The following SYNDIG1 variants were observed in gnomAD, a reference collection of about 807,000 sequenced individuals.
SYNDIG1 encodes the protein synapse differentiation-inducing gene protein 1.
In SYNDIG1, 9 loss-of-function variants were observed where a neutral mutation model predicts 19.4. That is an observed-to-expected ratio of 0.46 (90% CI 0.28 to 0.81). The LOEUF (loss-of-function observed/expected upper bound fraction) is 0.81. SYNDIG1 is among the 30% of genes least tolerant of loss of function. The pLI is 0.12. For synonymous variants in SYNDIG1, 141 were observed against 145.9 expected, an observed-to-expected ratio of 0.97 and a Z score of 0.24; for missense variants, 311 against 343.3, an observed-to-expected ratio of 0.91 and a Z score of 0.74.
At chr20:24,606,143 C>CA (rs1267450633) in intron 3 of SYNDIG1, among the ~76,000 whole-genome samples, 3 of 152,240 alleles carry the variant, frequency 2.0e-5, no homozygotes, top group African/African-American at 4.8e-5. Context: ...GATGATCCAA[C>CA]AATGTGCTGG....
At chr20:24,505,368 A>T (rs2056563227) in intron 1 of SYNDIG1, among the ~76,000 whole-genome samples, 1 of 152,154 alleles carries the variant, frequency 6.6e-6, no homozygotes, top group Non-Finnish European at 1.5e-5. Context: ...AGAGGCGGTC[A>T]TCCTCTGGAC....
chr20:24,478,257 G>A (rs932488472), intron 1 of SYNDIG1, among the ~76,000 whole-genome samples: 5 of 152,244 alleles, frequency 3.3e-5, no homozygotes. Flanking sequence ...TTATTGCTTC[G>A]GTGTCTGTCT....
chr20:24,561,571 C>T (rs917796876), intron 2 of SYNDIG1, among the ~76,000 whole-genome samples: 2 of 152,200 alleles, frequency 1.3e-5, no homozygotes, highest in African/African-American at 4.8e-5. Flanking sequence ...GCAAGAACAC[C>T]ACAGACTCCC....
intron 2 of SYNDIG1, among the ~76,000 whole-genome samples, chr20:24,558,026 T>C (rs2057861473): frequency 6.6e-6 from 1 of 152,112 alleles, no homozygotes. Context: ...GGGGTTTATA[T>C]AGCAGGGAAG....
chr20:24,626,636 C>T (rs76138615), intron 3 of SYNDIG1, among the ~76,000 whole-genome samples: 23,872 of 151,082 alleles, frequency 0.16, 1,748 homozygotes, highest in East Asian at 0.42. Flanking sequence ...AGACGATGGG[C>T]GGCCAGGCAG....
At chr20:24,511,177 T>C (rs1329993123) in intron 1 of SYNDIG1, among the ~76,000 whole-genome samples, 1 of 152,216 alleles carries the variant, frequency 6.6e-6, no homozygotes, top group Non-Finnish European at 1.5e-5. Flanking sequence ...GGCCATTTCT[T>C]GGTAAATTTT....
At chr20:24,479,443 T>C (rs1190171204) in intron 1 of SYNDIG1, among the ~76,000 whole-genome samples, 1 of 152,156 alleles carries the variant, frequency 6.6e-6, no homozygotes, top group Non-Finnish European at 1.5e-5. Context: ...CAAGGCCATC[T>C]CTGGGATGTT....
intron 1 of SYNDIG1, among the ~76,000 whole-genome samples, chr20:24,489,405 A>C (rs2146297342): frequency 6.6e-6 from 1 of 152,210 alleles, no homozygotes; most frequent in East Asian, 1.9e-4. Flanking sequence ...ACACATGTGC[A>C]CACAGACACA....
chr20:24,478,394 TTGG>T (rs1368007096), intron 1 of SYNDIG1, among the ~76,000 whole-genome samples: 1 of 152,202 alleles, frequency 6.6e-6, no homozygotes, highest in Non-Finnish European at 1.5e-5. Context: ...TGTTTGACAC[TTGG>T]TGGAATGAAG....
At chr20:24,612,109 A>G (rs959879527) in intron 3 of SYNDIG1, among the ~76,000 whole-genome samples, 1 of 152,216 alleles carries the variant, frequency 6.6e-6, no homozygotes, top group Non-Finnish European at 1.5e-5. Context: ...TTAGAGGCAA[A>G]CAATTCAACC....
intron 2 of SYNDIG1, among the ~76,000 whole-genome samples, chr20:24,566,458 A>T (rs2146913140): frequency 6.6e-6 from 1 of 152,352 alleles, no homozygotes; most frequent in Middle Eastern, 3.4e-3. Context: ...GAATAAATGA[A>T]ACTATCAAAG....
At chr20:24,578,631 C>T (rs948649903) in intron 2 of SYNDIG1, among the ~76,000 whole-genome samples, 3 of 152,106 alleles carry the variant, frequency 2.0e-5, no homozygotes, top group African/African-American at 4.8e-5. Context: ...TGCGCAAAAG[C>T]CTCAAATGAA....
At chr20:24,492,779 C>T (rs905476082) in intron 1 of SYNDIG1, among the ~76,000 whole-genome samples, 2 of 152,370 alleles carry the variant, frequency 1.3e-5, no homozygotes, top group South Asian at 4.1e-4. Context: ...TCTTCCTTCC[C>T]CTTTGCCTTG....
At chr20:24,557,283 C>G (rs1055660645) in intron 2 of SYNDIG1, among the ~76,000 whole-genome samples, 8 of 152,194 alleles carry the variant, frequency 5.3e-5, no homozygotes, top group African/African-American at 1.9e-4. Flanking sequence ...GTTTGATCAT[C>G]TGAAGCCTTC....
At chr20:24,561,844 G>A (rs1336509100) in intron 2 of SYNDIG1, among the ~76,000 whole-genome samples, 2 of 152,200 alleles carry the variant, frequency 1.3e-5, no homozygotes, top group African/African-American at 4.8e-5. Flanking sequence ...TTGTGGTTAG[G>A]TTGAGAATGT....
intron 1 of SYNDIG1, among the ~76,000 whole-genome samples, chr20:24,522,380 T>G (rs1004932456): frequency 6.6e-6 from 1 of 152,186 alleles, no homozygotes; most frequent in Non-Finnish European, 1.5e-5. Flanking sequence ...CATGAGCCCA[T>G]GTACCTGGCC....
At chr20:24,611,779 G>A (rs1343721651) in intron 3 of SYNDIG1, among the ~76,000 whole-genome samples, 1 of 152,150 alleles carries the variant, frequency 6.6e-6, no homozygotes, top group Non-Finnish European at 1.5e-5. Flanking sequence ...TTAGCCCATG[G>A]TGCTGATCTC....
At chr20:24,503,240 C>T (rs756290701) in intron 1 of SYNDIG1, among the ~76,000 whole-genome samples, 3 of 152,178 alleles carry the variant, frequency 2.0e-5, no homozygotes, top group Non-Finnish European at 4.4e-5. Context: ...GCTGGGGATG[C>T]GTTCCTTCTG....
At chr20:24,580,074 C>T (rs1436362472) in intron 2 of SYNDIG1, among the ~76,000 whole-genome samples, 1 of 152,204 alleles carries the variant, frequency 6.6e-6, no homozygotes, top group Non-Finnish European at 1.5e-5. Flanking sequence ...TTGGCTTTAG[C>T]TCAAAACTAT....
Sources: allele counts gnomAD v4.1 joint callset (sites outside exome capture counted in the v4.1 genomes callset), GRCh38; gene constraint gnomAD v4.1.1; transcripts MANE v1.5; gene names NCBI Gene and HGNC (gene_info 2026-07-23, HGNC 2026-07-21).